The following ZNF431 variants were observed in gnomAD, a reference collection of about 807,000 sequenced individuals.
ZNF431 encodes the protein zinc finger protein 431.
In ZNF431, 34 loss-of-function variants were observed where a neutral mutation model predicts 57.0. The ratio of observed to expected loss-of-function variants is 0.60; its 90% CI spans 0.45 to 0.79. The LOEUF is 0.79. ZNF431 is among the 30% of genes least tolerant of loss of function. ZNF431 has a pLI of 0.00. For missense variants in ZNF431, 607 were observed against 667.1 expected, an observed-to-expected ratio of 0.91 and a Z score of 0.99; for synonymous variants, 207 against 220.3, an observed-to-expected ratio of 0.94 and a Z score of 0.54.
chr19:21,173,842 T>G lies in ZNF431; in HGVS notation c.319+6176T>G, dbSNP rs1440790718. Among the ~76,000 whole-genome samples, 3 of 152,226 alleles carry G rather than the reference T, an allele frequency of 2.0e-5. No homozygotes were observed. The East Asian group carries it at 5.8e-4, about 29-fold the overall frequency. On this transcript the variant is annotated intron_variant, in intron 4 of 4. Transcript: ENST00000311048. ...ACGCCTGGCCTCATTTTTATTTTTA[T>G]GAGTTTCTCTACAAATCATTAATTT... is the stretch of plus-strand genomic sequence containing the variant.
intron 4 of ZNF431, among the ~76,000 whole-genome samples, chr19:21,174,034 C>T (rs886398885): frequency 6.6e-6 from 1 of 151,716 alleles, no homozygotes. Flanking sequence ...CAACCTCTGC[C>T]TCCTGGGTTC....
At chr19:21,168,245 A>G (rs1970780491) in intron 4 of ZNF431, among the ~76,000 whole-genome samples, 1 of 152,096 alleles carries the variant, frequency 6.6e-6, no homozygotes, top group South Asian at 2.1e-4. Context: ...TTTCTTGTAA[A>G]TTTTAGAATT....
At chr19:21,155,062 T>G (rs1970381726) in intron 2 of ZNF431, among the ~76,000 whole-genome samples, 1 of 152,228 alleles carries the variant, frequency 6.6e-6, no homozygotes, top group Non-Finnish European at 1.5e-5. Context: ...TTGTTGCCGT[T>G]GCTTTTGGTG....
At chr19:21,166,590 T>G in intron 3 of ZNF431, 129 bp downstream of exon 3, 2 of 1,131,114 alleles carry the variant, frequency 1.8e-6, no homozygotes, top group Non-Finnish European at 2.5e-6. Flanking sequence ...AAGAAAATCT[T>G]GATGATTTGT....
intron 2 of ZNF431, among the ~76,000 whole-genome samples, chr19:21,148,268 T>A (rs555708394): frequency 6.6e-6 from 1 of 152,302 alleles, no homozygotes; most frequent in South Asian, 2.1e-4. Flanking sequence ...GTGCTGAGAT[T>A]ACAGACATGA....
chr19:21,184,760 CA>C lies in ZNF431; in HGVS notation c.*727del, dbSNP rs1416404456. 5.8e-3 allele frequency: 4 copies of C among 688 alleles called. No individual in the cohort carries two copies. Among genetic ancestry groups the C allele is most frequent in the Admixed American group, 0.12 (1 of 8 alleles). 0.0% of individuals were successfully genotyped at this position (688 alleles called of 1,614,324 possible). A position where few individuals can be genotyped will look rare whatever the true frequency, so the allele number is the denominator to read the frequency against. ...TTATCTGCTCACATTTTACTCAACA[CA>C]GAGAGTTCCTGCTTAATAAAAGCAT... On this transcript the variant is annotated 3_prime_UTR_variant, in exon 5 of 5. Transcript: ENST00000311048.
At position 21,155,521 on chromosome 19, in the gene ZNF431, T is replaced by C. The variant is rs1044324512; in HGVS notation, c.97-10814T>C. Among the ~76,000 whole-genome samples the C allele has an allele frequency of 3.3e-5, 5 of 152,320 alleles. No homozygotes were observed. The South Asian group carries it at 6.2e-4, about 19-fold the overall frequency. ...CAATGTGGGCTCCTTTTTGGTTCCA[T>C]ATGAACTTTAAAGTAGTTTTTTCCA... On this transcript the variant is annotated intron_variant, in intron 2 of 4. Transcript: ENST00000311048.
At chr19:21,162,302 T>C (rs963047264) in intron 2 of ZNF431, among the ~76,000 whole-genome samples, 6 of 152,044 alleles carry the variant, frequency 3.9e-5, no homozygotes, top group African/African-American at 4.8e-5. Flanking sequence ...GCCTCCTGAG[T>C]AGCTGGGATT....
rs1381906761 is a variant in ZNF431 at position 21,183,393 on chromosome 19, A to G, written c.1090A>G (p.Ile364Val). The change falls in exon 5 of 5, where the codon ATA becomes GTA. Residue 364 changes from isoleucine to valine, a missense_variant. Physicochemically the swap from Ile to Val is conservative, Grantham distance 29. Coordinates refer to ENST00000311048, the MANE Select transcript of ZNF431 (RefSeq NM_133473.4). ...NRFSYLTKHK[I>V]IHTGEKSYKC... is the part of the protein sequence containing the mutation. ...ATTCTCATACCTTACTAAACATAAG[A>G]TAATTCATACTGGAGAAAAATCTTA... is the stretch of plus-strand genomic sequence containing the variant. 4 of 1,613,690 alleles carry G rather than the reference A, an allele frequency of 2.5e-6. No individual in the cohort carries two copies. Among genetic ancestry groups the G allele is most frequent in the South Asian group, 1.1e-5 (1 of 91,052 alleles).
Position 21,174,483 on chromosome 19 carries a change from G to A in ZNF431, c.319+6817G>A, listed in dbSNP as rs184707660. 2.6e-3 allele frequency among the ~76,000 whole-genome samples: 403 copies of A among 152,096 alleles called. 5 individuals carry two copies. Among genetic ancestry groups the A allele is most frequent in the Non-Finnish European group, 3.4e-3 (228 of 68,008 alleles). ...TCCTGGTAAATTGACTCATTTGACC[G>A]TTATATAATATCGTGTTTGTCCTAT... On this transcript the variant is annotated intron_variant, in intron 4 of 4. Transcript: ENST00000311048.
chr19:21,163,518 C>T (rs1383603846), intron 2 of ZNF431, among the ~76,000 whole-genome samples: 1 of 152,102 alleles, frequency 6.6e-6, no homozygotes. Flanking sequence ...ACCAAAATTC[C>T]CAAGTAATGT....
In ZNF431 at chr19:21,149,504, TATC is replaced by T. The variant is rs138765397; in HGVS notation, c.96+5863_96+5865del. The T allele has an allele frequency of 8.7e-3, 1,446 of 166,298 alleles. 7 individuals carry two copies. The highest frequency in any genetic ancestry group is 0.015 in the Non-Finnish European group (1,156 of 77,188). 10.3% of individuals were successfully genotyped at this position (166,298 alleles called of 1,614,324 possible). A position where few individuals can be genotyped will look rare whatever the true frequency, so the allele number is the denominator to read the frequency against. On this transcript the variant is annotated intron_variant, in intron 2 of 4. Transcript: ENST00000311048. ...AAACCAATTAATCAGAGTTCTTTCA[TATC>T]ACACACACAACACATGTAAATACAA... is the stretch of plus-strand genomic sequence containing the variant.
chr19:21,158,944 T>A (rs1970499255), intron 2 of ZNF431, among the ~76,000 whole-genome samples: 1 of 152,220 alleles, frequency 6.6e-6, no homozygotes, highest in South Asian at 2.1e-4. Flanking sequence ...TTCAGTATGT[T>A]GGCTGTAAGT....
At chr19:21,162,684 G>A (rs1475569593) in intron 2 of ZNF431, 9 of 983,936 alleles carry the variant, frequency 9.1e-6, no homozygotes, top group Non-Finnish European at 9.7e-6. Flanking sequence ...TTAAAAAGAT[G>A]AGAGTTTTTG....
At chr19:21,157,915 G>A (rs572388295) in intron 2 of ZNF431, among the ~76,000 whole-genome samples, 5 of 149,358 alleles carry the variant, frequency 3.3e-5, no homozygotes, top group East Asian at 2.0e-4. Context: ...TACCAATACC[G>A]TTCTGCTTTT....
At chr19:21,147,945 A>G (rs750597835) in intron 2 of ZNF431, among the ~76,000 whole-genome samples, 21 of 151,674 alleles carry the variant, frequency 1.4e-4, no homozygotes, top group Non-Finnish European at 2.4e-4. Context: ...AATTTTTACT[A>G]TTTTATATTT....
intron 4 of ZNF431, among the ~76,000 whole-genome samples, chr19:21,180,175 C>A (rs1308856511): frequency 6.6e-6 from 1 of 152,164 alleles, no homozygotes; most frequent in African/African-American, 2.4e-5. Flanking sequence ...CAGCCTATTA[C>A]ATTTAAGGTT....
At chr19:21,179,405 T>C (rs1264753407) in intron 4 of ZNF431, among the ~76,000 whole-genome samples, 4 of 152,128 alleles carry the variant, frequency 2.6e-5, no homozygotes, top group African/African-American at 9.7e-5. Context: ...TTCTGCTAGC[T>C]TGAAGTTTTG....
At chr19:21,175,591 C>G (rs1473719368) in intron 4 of ZNF431, 2 of 533,974 alleles carry the variant, frequency 3.7e-6, no homozygotes, top group Non-Finnish European at 6.6e-6. Context: ...CTCCCCGTGA[C>G]AGACCCCAGT....
Sources: allele counts gnomAD v4.1 joint callset (sites outside exome capture counted in the v4.1 genomes callset), GRCh38; gene constraint gnomAD v4.1.1; transcripts MANE v1.5; gene names NCBI Gene and HGNC (gene_info 2026-07-23, HGNC 2026-07-21).